The following MPZL1 variants were observed in gnomAD, a reference collection of about 807,000 sequenced individuals.
MPZL1 encodes myelin protein zero-like protein 1.
MPZL1 carries 16 observed loss-of-function variants against 29.3 expected under a neutral mutation model. The ratio of observed to expected loss-of-function variants is 0.55; its 90% CI spans 0.37 to 0.83. MPZL1 has a LOEUF of 0.83. Ranked by LOEUF, MPZL1 falls within the 40% of genes least tolerant of loss-of-function variation. MPZL1 has a pLI of 0.00. For missense variants in MPZL1, 279 were observed against 332.9 expected (o/e 0.84, Z 1.26); for synonymous variants, 143 against 132.0 (o/e 1.08, Z -0.57).
intron 1 of MPZL1, among the ~76,000 whole-genome samples, chr1:167,724,611 G>A (rs1390380475): frequency 1.3e-5 from 2 of 152,210 alleles, no homozygotes; most frequent in Non-Finnish European, 2.9e-5. Flanking sequence ...GGCTTGGGAA[G>A]CTGGGCATAT....
At chr1:167,780,349 AATAAACCACTTTAAATAAAAAGATCC>A (rs1661471511) in intron 5 of MPZL1, among the ~76,000 whole-genome samples, 1 of 152,230 alleles carries the variant, frequency 6.6e-6, no homozygotes, top group Non-Finnish European at 1.5e-5. Context: ...TGCTGTCTGC[AATAAACCACTTTAAATAAAAAGATCC>A]AGGTAGGTTA....
intron 1 of MPZL1, among the ~76,000 whole-genome samples, chr1:167,741,774 G>A (rs575246056): frequency 2.7e-4 from 41 of 152,132 alleles, no homozygotes; most frequent in East Asian, 3.9e-4. Context: ...GGCTCATGCC[G>A]ATAATCCCAG....
chr1:167,772,617 G>C lies in MPZL1; in HGVS notation c.472+129G>C. On this transcript the variant is annotated intron_variant, in intron 3 of 5. Transcript: ENST00000359523. ...TTGCCATACAGTTGTGCTCCCTGTTGCCACGAACCTGTGGCTCTACCAAAC... is the reference window on the plus strand; with the variant it reads ...TTGCCATACAGTTGTGCTCCCTGTTCCCACGAACCTGTGGCTCTACCAAAC... 6.5e-6 allele frequency: 5 copies of C among 767,288 alleles called. No individual in the cohort carries two copies. The South Asian group carries it at 9.3e-5, about 14-fold the overall frequency. The allele number at this position is 767,288 out of a possible 1,614,324, so 47.5% of individuals were successfully genotyped here. A position where few individuals can be genotyped will look rare whatever the true frequency, so the allele number is the denominator to read the frequency against.
At chr1:167,759,070 C>A (rs1660927676) in intron 1 of MPZL1, among the ~76,000 whole-genome samples, 1 of 152,170 alleles carries the variant, frequency 6.6e-6, no homozygotes, top group African/African-American at 2.4e-5. Context: ...AATCAACAGA[C>A]TTTTTTAAAT....
chr1:167,763,131 T>G (rs1661022315), intron 1 of MPZL1, among the ~76,000 whole-genome samples: 1 of 146,770 alleles, frequency 6.8e-6, no homozygotes, highest in African/African-American at 2.4e-5. Context: ...ACTGTAAACT[T>G]GGACACTTGG....
intron 2 of MPZL1, among the ~76,000 whole-genome samples, chr1:167,771,491 C>A (rs1186596714): frequency 5.3e-5 from 8 of 152,202 alleles, no homozygotes; most frequent in Non-Finnish European, 1.2e-4. Context: ...ATGGCCCGTT[C>A]TCAATGGTCG....
chr1:167,723,124 C>T (rs1011806461), intron 1 of MPZL1, among the ~76,000 whole-genome samples: 1 of 152,186 alleles, frequency 6.6e-6, no homozygotes, highest in Non-Finnish European at 1.5e-5. Context: ...TTGTTCAAAG[C>T]AAAGTACTTG....
chr1:167,727,410 C>G (rs1377159727), intron 1 of MPZL1, among the ~76,000 whole-genome samples: 1 of 152,194 alleles, frequency 6.6e-6, no homozygotes, highest in African/African-American at 2.4e-5. Context: ...ATGTGTACCT[C>G]AACCTTGGAA....
chr1:167,739,282 C>CATATATATATATATATACACATAT (rs1660456623), intron 1 of MPZL1, among the ~76,000 whole-genome samples: 5 of 90,442 alleles, frequency 5.5e-5, no homozygotes, highest in African/African-American at 3.2e-4. Flanking sequence ...TACATATATA[C>CATATATATATATATATACACATAT]ATATATATAT....
In MPZL1 at chr1:167,787,997, C is replaced by G. The variant is rs976133874; in HGVS notation, c.*76C>G. ...TCGTGCAGAAAATGTAGCCCATTAC[C>G]ACATGTAGCCTTGGAGACCCAGGCA... On this transcript the variant is annotated 3_prime_UTR_variant, in exon 6 of 6. Transcript: ENST00000359523. The G allele has an allele frequency of 6.5e-6, 8 of 1,238,508 alleles. No homozygotes were observed. Among genetic ancestry groups the G allele is most frequent in the Non-Finnish European group, 9.4e-6 (8 of 847,340 alleles). 76.7% of individuals were successfully genotyped at this position (1,238,508 alleles called of 1,614,324 possible). A position where few individuals can be genotyped will look rare whatever the true frequency, so the allele number is the denominator to read the frequency against.
chr1:167,724,250 C>CA (rs1447610436), intron 1 of MPZL1, among the ~76,000 whole-genome samples: 2 of 152,048 alleles, frequency 1.3e-5, no homozygotes, highest in Non-Finnish European at 2.9e-5. Flanking sequence ...GTTGGTAGTT[C>CA]AGTATAGTGG....
intron 1 of MPZL1, among the ~76,000 whole-genome samples, chr1:167,764,588 T>A (rs1357805207): frequency 6.6e-6 from 1 of 152,244 alleles, no homozygotes; most frequent in African/African-American, 2.4e-5. Context: ...AATGAAGTTA[T>A]ATCTTAGGAT....
Position 167,752,355 on chromosome 1 carries a change from A to C in MPZL1, c.92-13228A>C, listed in dbSNP as rs77420648. 3.3e-5 allele frequency among the ~76,000 whole-genome samples: 5 copies of C among 152,298 alleles called. No individual in the cohort carries two copies. The East Asian group carries it at 9.7e-4, about 29-fold the overall frequency. On this transcript the variant is annotated intron_variant, in intron 1 of 5. Transcript: ENST00000359523. ...TAGGGAAGATAAGGTGGCATAAATA[A>C]CAATAAGATACAGACCAGGCAGTGC... is the stretch of plus-strand genomic sequence containing the variant.
intron 1 of MPZL1, among the ~76,000 whole-genome samples, chr1:167,753,096 A>G (rs1003745789): frequency 1.3e-5 from 2 of 152,170 alleles, no homozygotes; most frequent in African/African-American, 4.8e-5. Flanking sequence ...AGAATTACTG[A>G]AGAGTGTGGC....
intron 1 of MPZL1, among the ~76,000 whole-genome samples, chr1:167,726,645 C>T (rs575787435): frequency 6.6e-5 from 10 of 152,234 alleles, no homozygotes; most frequent in African/African-American, 2.4e-4. Context: ...TATCAGTTCC[C>T]TTGGCCTTTT....
intron 1 of MPZL1, among the ~76,000 whole-genome samples, chr1:167,733,192 G>A (rs1660304937): frequency 6.6e-6 from 1 of 152,196 alleles, no homozygotes; most frequent in Admixed American, 6.5e-5. Flanking sequence ...CCATAGATCT[G>A]TGAGAGTCAG....
At chr1:167,779,529 G>A (rs1661447380) in intron 5 of MPZL1, among the ~76,000 whole-genome samples, 1 of 151,882 alleles carries the variant, frequency 6.6e-6, no homozygotes, top group African/African-American at 2.4e-5. Flanking sequence ...ACATTGCAGT[G>A]AGCCAAGATC....
At chr1:167,728,648 A>G (rs971834947) in intron 1 of MPZL1, among the ~76,000 whole-genome samples, 1 of 147,348 alleles carries the variant, frequency 6.8e-6, no homozygotes, top group African/African-American at 2.5e-5. Flanking sequence ...CTAAACTCAG[A>G]GTCTCTAGAA....
rs1175065354 is a variant in MPZL1 at position 167,772,360 on chromosome 1, A to G, written c.344A>G (p.Lys115Arg). Residue 115 changes from lysine (K) to arginine (R), a missense_variant, in exon 3 of 6, where the codon AAG (lysine) becomes AGG (arginine). By Grantham distance (26) the Lys-to-Arg change is conservative (BLOSUM62 2). Transcript: ENST00000359523. ...DRISWAGDLD[K>R]KDASINIENM... ...ATCAGCTGGGCTGGAGACCTTGACAAGAAAGATGCATCAATCAACATAGAA... is the reference window on the plus strand; with the variant it reads ...ATCAGCTGGGCTGGAGACCTTGACAGGAAAGATGCATCAATCAACATAGAA... The G allele has an allele frequency of 6.2e-7, 1 of 1,613,936 alleles. No individual in the cohort carries two copies. Among genetic ancestry groups the G allele is most frequent in the South Asian group, 1.1e-5 (1 of 91,084 alleles).
Sources: allele counts gnomAD v4.1 joint callset (sites outside exome capture counted in the v4.1 genomes callset), GRCh38; gene constraint gnomAD v4.1.1; transcripts MANE v1.5; gene names NCBI Gene and HGNC (gene_info 2026-07-23, HGNC 2026-07-21).